The following PPHLN1 variants were observed in gnomAD, a reference collection of about 807,000 sequenced individuals.
PPHLN1 encodes the protein periphilin-1.
Under a neutral mutation model 51.3 loss-of-function variants are expected in PPHLN1, and 29 were observed. The ratio of observed to expected loss-of-function variants is 0.57; its 90% CI spans 0.42 to 0.77. The LOEUF (loss-of-function observed/expected upper bound fraction) is 0.77, where lower values mean the gene tolerates loss of function less well. Among genes scored for constraint, PPHLN1 ranks in the 30% least tolerant of loss-of-function variants. The pLI is 0.00. For synonymous variants in PPHLN1, 147 were observed against 147.8 expected, an observed-to-expected ratio of 0.99 and a Z score of 0.04; for missense variants, 436 against 438.4, an observed-to-expected ratio of 0.99 and a Z score of 0.05.
chr12:42,348,321 C>T (rs923997940), intron 2 of PPHLN1, among the ~76,000 whole-genome samples: 9 of 137,150 alleles, frequency 6.6e-5, no homozygotes, highest in African/African-American at 2.0e-4. Flanking sequence ...GGGGTTTCAC[C>T]GTGTTGGCCA....
downstream of PPHLN1, chr12:42,442,561 G>C (rs528800637): frequency 3.6e-5 from 57 of 1,585,148 alleles, no homozygotes; most frequent in Non-Finnish European, 4.8e-5. Context: ...TTTGGGCTGC[G>C]CTAAAGCCGG....
In PPHLN1 at chr12:42,441,742, A is replaced by G; in HGVS notation, c.*233A>G. On this transcript the variant is annotated 3_prime_UTR_variant, in exon 10 of 10. Coordinates refer to ENST00000358314, the MANE Select transcript of PPHLN1 (RefSeq NM_201439.2). ...ACCATGTTGGCCAGGCTAGTCTCTAACTCCTGGCCTCAAGTGATCTGCCTG... is the reference window on the plus strand; with the variant it reads ...ACCATGTTGGCCAGGCTAGTCTCTAGCTCCTGGCCTCAAGTGATCTGCCTG... The G allele has an allele frequency of 8.7e-7, 1 of 1,148,312 alleles. No individual in the cohort carries two copies. Among genetic ancestry groups the G allele is most frequent in the African/African-American group, 1.6e-5 (1 of 62,438 alleles). 71.1% of individuals were successfully genotyped at this position (1,148,312 alleles called of 1,614,324 possible).
At chr12:42,409,804 T>C (rs2079639479) in intron 9 of PPHLN1, among the ~76,000 whole-genome samples, 1 of 152,132 alleles carries the variant, frequency 6.6e-6, no homozygotes, top group South Asian at 2.1e-4. Context: ...TTGACGATTA[T>C]TTATCTATTA....
At chr12:42,334,449 A>G (rs1208480533) in intron 1 of PPHLN1, among the ~76,000 whole-genome samples, 1 of 152,204 alleles carries the variant, frequency 6.6e-6, no homozygotes, top group Non-Finnish European at 1.5e-5. Context: ...CTATAATAAT[A>G]TCAAGAAAAA....
At chr12:42,414,327 G>A (rs1341213145) in intron 9 of PPHLN1, among the ~76,000 whole-genome samples, 3 of 152,120 alleles carry the variant, frequency 2.0e-5, no homozygotes, top group Non-Finnish European at 2.9e-5. Context: ...GAGCCACCGC[G>A]GCCGGCGATG....
downstream of PPHLN1, chr12:42,444,530 C>G (rs903698027): frequency 1.3e-5 from 2 of 152,094 alleles, no homozygotes; most frequent in Non-Finnish European, 2.9e-5. Flanking sequence ...CAGGGCTGCA[C>G]TTCCTAGAAT....
chr12:42,423,653 G>A (rs2081188361), intron 9 of PPHLN1, among the ~76,000 whole-genome samples: 1 of 151,532 alleles, frequency 6.6e-6, no homozygotes, highest in Non-Finnish European at 1.5e-5. Context: ...TTAAGGATTA[G>A]TAATTGTTTA....
intron 9 of PPHLN1, among the ~76,000 whole-genome samples, chr12:42,419,343 G>A (rs897407279): frequency 6.6e-6 from 1 of 152,070 alleles, no homozygotes; most frequent in Admixed American, 6.5e-5. Context: ...CCGGGTTCAA[G>A]TGATTCTCCT....
intron 1 of PPHLN1, among the ~76,000 whole-genome samples, chr12:42,335,463 T>A (rs1300650346): frequency 6.6e-6 from 1 of 152,152 alleles, no homozygotes; most frequent in East Asian, 1.9e-4. Flanking sequence ...AGCAAAAAAC[T>A]AATGTTATTT....
At chr12:42,346,679 A>G (rs1370200046) in intron 2 of PPHLN1, among the ~76,000 whole-genome samples, 2 of 152,192 alleles carry the variant, frequency 1.3e-5, no homozygotes, top group African/African-American at 4.8e-5. Flanking sequence ...ACTGTTTTCC[A>G]TAATGGCTGT....
chr12:42,410,988 AT>A (rs1293391887), intron 9 of PPHLN1, among the ~76,000 whole-genome samples: 3 of 152,022 alleles, frequency 2.0e-5, no homozygotes, highest in Non-Finnish European at 4.4e-5. Context: ...GTTTAAGGTG[AT>A]TTATGTTAAA....
At chr12:42,431,637 A>G (rs2082045941) in intron 9 of PPHLN1, 7 of 893,198 alleles carry the variant, frequency 7.8e-6, no homozygotes, top group Non-Finnish European at 1.3e-5. Flanking sequence ...TGTAATGTAA[A>G]AGAACTGTAA....
rs1183717538 is a variant in PPHLN1 at position 42,420,669 on chromosome 12, G to GCCCTC, written c.910-20618_910-20614dup. On this transcript the variant is annotated intron_variant, in intron 9 of 9. Transcript: ENST00000358314. ...TTCCTTCCTTCCCTCCTTCCCTCCCGCCCTCCCCTCCCCTCCCCTCCCCTC... is the reference window on the plus strand; with the variant it reads ...TTCCTTCCTTCCCTCCTTCCCTCCCGCCCTCCCCTCCCCTCCCCTCCCCTCCCCTC... Among the ~76,000 whole-genome samples, 192 of 23,374 alleles carry GCCCTC rather than the reference G, an allele frequency of 8.2e-3. 1 individual carries two copies. The highest frequency in any genetic ancestry group is 0.028 in the South Asian group (8 of 288). 15.3% of individuals were successfully genotyped at this position (23,374 alleles called of 152,430 possible).
At chr12:42,351,272 C>G (rs2073317740) in intron 2 of PPHLN1, 1 of 152,090 alleles carries the variant, frequency 6.6e-6, no homozygotes, top group Non-Finnish European at 1.5e-5. Flanking sequence ...TTCCCCAAGT[C>G]TCACAAAAAA....
At chr12:42,409,966 A>T (rs1320048004) in intron 9 of PPHLN1, among the ~76,000 whole-genome samples, 2 of 152,112 alleles carry the variant, frequency 1.3e-5, no homozygotes, top group Admixed American at 6.5e-5. Context: ...GATCATATGA[A>T]GTCCTAATTT....
intron 4 of PPHLN1, among the ~76,000 whole-genome samples, chr12:42,356,467 C>T (rs1565809837): frequency 6.6e-6 from 1 of 152,134 alleles, no homozygotes; most frequent in Non-Finnish European, 1.5e-5. Flanking sequence ...GAGTGACCTG[C>T]CATAGTAGTC....
chr12:42,389,490 GCGGGT>G (rs769270963), intron 7 of PPHLN1, among the ~76,000 whole-genome samples: 2 of 152,172 alleles, frequency 1.3e-5, no homozygotes, highest in African/African-American at 2.4e-5. Flanking sequence ...AATCCGGGAG[GCGGGT>G]GTTGCAGTGA....
intron 4 of PPHLN1, among the ~76,000 whole-genome samples, chr12:42,366,420 G>A (rs2075279540): frequency 1.3e-5 from 2 of 151,990 alleles, no homozygotes; most frequent in Admixed American, 1.3e-4. Context: ...TAGAGACGGG[G>A]TTTCACCATG....
downstream of PPHLN1, chr12:42,446,158 A>C: frequency 6.2e-7 from 1 of 1,603,164 alleles, no homozygotes; most frequent in Non-Finnish European, 8.5e-7. Flanking sequence ...CAGGAGCCCC[A>C]GACATTACCT....
Sources: gnomAD v4.1 joint callset for allele counts (sites outside exome capture counted in the v4.1 genomes callset) on GRCh38, gnomAD v4.1.1 for gene constraint, MANE v1.5 for transcripts, NCBI Gene and HGNC (gene_info 2026-07-23, HGNC 2026-07-21) for gene names.